Variants in DUSP16 observed in about 807,000 individuals in gnomAD.
DUSP16 encodes the protein dual specificity phosphatase 16, also known as dual specificity protein phosphatase 16.
DUSP16 carries 21 observed loss-of-function variants against 58.3 expected under a neutral mutation model. That is an observed-to-expected ratio of 0.36 (90% confidence interval 0.26 to 0.52). The LOEUF (loss-of-function observed/expected upper bound fraction) is 0.52. Ranked by LOEUF, DUSP16 falls within the 20% of genes least tolerant of loss-of-function variation. The pLI, the probability that DUSP16 is intolerant of heterozygous loss-of-function variation, is 0.94. For synonymous variants in DUSP16, 320 were observed against 323.8 expected (o/e 0.99, Z 0.12); for missense variants, 726 against 819.0 (o/e 0.89, Z 1.39).
At chr12:12,552,370 C>T (rs1217959390) in intron 1 of DUSP16, among the ~76,000 whole-genome samples, 2 of 151,888 alleles carry the variant, frequency 1.3e-5, no homozygotes, top group Admixed American at 6.6e-5. Context: ...CACTTGAACC[C>T]GGGAGGCAGA....
At chr12:12,493,002 C>T (rs1943782490) in intron 4 of DUSP16, among the ~76,000 whole-genome samples, 1 of 152,136 alleles carries the variant, frequency 6.6e-6, no homozygotes, top group African/African-American at 2.4e-5. Context: ...CGGCTCAATC[C>T]TTTTCTCATC....
At chr12:12,535,888 G>A (rs1477817054) in intron 1 of DUSP16, among the ~76,000 whole-genome samples, 1 of 152,210 alleles carries the variant, frequency 6.6e-6, no homozygotes, top group Non-Finnish European at 1.5e-5. Flanking sequence ...ACTGTATGCA[G>A]GCTTTCCTGG....
chr12:12,519,884 G>A lies in DUSP16; in HGVS notation c.345C>T (p.Phe115=). ...TACCTGCAAGCAGGTGAACAGAGTT[G>A]AAGCTCTTCTCCAGTTTACCCAGAA... ...TVLLGKLEKS[F]NSVHLLAGGF... Residue 115 remains phenylalanine (F), a synonymous_variant, in exon 3 of 7, where the codon TTC becomes TTT. Coordinates refer to ENST00000298573, the MANE Select transcript of DUSP16 (RefSeq NM_030640.3). The A allele has an allele frequency of 6.2e-7, 1 of 1,614,082 alleles. No homozygotes were observed. Among genetic ancestry groups the A allele is most frequent in the South Asian group, 1.1e-5 (1 of 91,080 alleles).
intron 3 of DUSP16, among the ~76,000 whole-genome samples, chr12:12,501,862 T>G (rs1319361878): frequency 2.6e-5 from 4 of 151,984 alleles, no homozygotes; most frequent in Non-Finnish European, 5.9e-5. Context: ...TGGTGGTGGG[T>G]GCCTGTAATC....
intron 5 of DUSP16, among the ~76,000 whole-genome samples, chr12:12,485,703 A>G (rs1391858680): frequency 6.6e-6 from 1 of 150,414 alleles, no homozygotes; most frequent in Non-Finnish European, 1.5e-5. Flanking sequence ...CTGGTCTCGA[A>G]CTCCTGGGTT....
chr12:12,515,550 A>C (rs1944136253), intron 3 of DUSP16, among the ~76,000 whole-genome samples: 1 of 151,708 alleles, frequency 6.6e-6, no homozygotes, highest in African/African-American at 2.4e-5. Context: ...CTGGTTACGA[A>C]CTCCCAACCT....
At chr12:12,559,090 T>C (rs1350719121) in intron 1 of DUSP16, among the ~76,000 whole-genome samples, 1 of 152,124 alleles carries the variant, frequency 6.6e-6, no homozygotes, top group Non-Finnish European at 1.5e-5. Context: ...AGCCAACCCT[T>C]GATCATCAAG....
intron 1 of DUSP16, among the ~76,000 whole-genome samples, chr12:12,527,099 T>C (rs916290923): frequency 2.0e-5 from 3 of 152,242 alleles, no homozygotes; most frequent in African/African-American, 7.2e-5. Flanking sequence ...TTGGTTGGGC[T>C]AGAGCTCAAG....
chr12:12,498,375 A>G (rs1283115965), intron 4 of DUSP16, among the ~76,000 whole-genome samples: 1 of 151,402 alleles, frequency 6.6e-6, no homozygotes, highest in African/African-American at 2.4e-5. Flanking sequence ...GAGGTCAAAC[A>G]TGCATTTCTT....
chr12:12,520,037 G>A, intron 2 of DUSP16, 37 bp from the exon 3 acceptor site: 1 of 1,612,246 alleles, frequency 6.2e-7, no homozygotes, highest in Non-Finnish European at 8.5e-7. Flanking sequence ...GGAAGAAGGT[G>A]AGAAAAGTAA....
At chr12:12,485,571 G>A (rs1943667058) in intron 5 of DUSP16, among the ~76,000 whole-genome samples, 1 of 152,080 alleles carries the variant, frequency 6.6e-6, no homozygotes, top group Non-Finnish European at 1.5e-5. Flanking sequence ...GAGTTCAGTG[G>A]CACAATCTCA....
chr12:12,552,556 A>C (rs1944744613), intron 1 of DUSP16, among the ~76,000 whole-genome samples: 1 of 152,246 alleles, frequency 6.6e-6, no homozygotes, highest in African/African-American at 2.4e-5. Flanking sequence ...TTCTTCAACT[A>C]TGTATCCGTG....
chr12:12,556,900 T>C lies in DUSP16; in HGVS notation c.-366+5217A>G, dbSNP rs868087563. Among the ~76,000 whole-genome samples the C allele has an allele frequency of 5.6e-4, 86 of 152,316 alleles. No individual in the cohort carries two copies. In the Middle Eastern group the frequency reaches 0.014, roughly 24 times the overall value. On this transcript the variant is annotated intron_variant, in intron 1 of 6. Coordinates refer to ENST00000298573, the MANE Select transcript of DUSP16 (RefSeq NM_030640.3). ...TTACCCTATTTTACCTATTGGTAAT[T>C]AAGCCTAACAGTTTATTGTCTGTAC...
chr12:12,475,925 T>C lies in DUSP16; in HGVS notation c.*908A>G, dbSNP rs757810391. On this transcript the variant is annotated 3_prime_UTR_variant, in exon 7 of 7. Coordinates refer to ENST00000298573, the MANE Select transcript of DUSP16 (RefSeq NM_030640.3). ...ACCAAGTTCATCTTTATTTAAAGGATTGACAATCCCATTTTAAACAATTCT... is the reference window on the plus strand; with the variant it reads ...ACCAAGTTCATCTTTATTTAAAGGACTGACAATCCCATTTTAAACAATTCT... 4 of 152,228 alleles carry C rather than the reference T, an allele frequency of 2.6e-5. No individual in the cohort carries two copies. The highest frequency in any genetic ancestry group is 4.4e-5 in the Non-Finnish European group (3 of 68,036). 9.4% of individuals were successfully genotyped at this position (152,228 alleles called of 1,614,324 possible).
chr12:12,486,399 T>A (rs1457604649), intron 5 of DUSP16, among the ~76,000 whole-genome samples: 1 of 151,524 alleles, frequency 6.6e-6, no homozygotes, highest in African/African-American at 2.4e-5. Flanking sequence ...AGCTCCAGAA[T>A]TGAACAAGCC....
chr12:12,544,446 A>T (rs1022481581), intron 1 of DUSP16, among the ~76,000 whole-genome samples: 1 of 152,192 alleles, frequency 6.6e-6, no homozygotes, highest in Non-Finnish European at 1.5e-5. Flanking sequence ...TTTGGTGAGC[A>T]TAAGTACACA....
chr12:12,549,462 C>T (rs1424925772), intron 1 of DUSP16, among the ~76,000 whole-genome samples: 1 of 152,168 alleles, frequency 6.6e-6, no homozygotes, highest in African/African-American at 2.4e-5. Context: ...TGCTTAGCTC[C>T]ACTCTCTGTC....
intron 4 of DUSP16, among the ~76,000 whole-genome samples, chr12:12,488,266 C>A (rs1943712821): frequency 7.2e-6 from 1 of 138,322 alleles, no homozygotes; most frequent in Admixed American, 7.3e-5. Context: ...CCTACTTTAA[C>A]CTCATCTGTG....
At chr12:12,486,481 AGTGT>A (rs56941943) in intron 5 of DUSP16, among the ~76,000 whole-genome samples, 8,719 of 147,270 alleles carry the variant, frequency 0.059, 444 homozygotes, top group African/African-American at 0.13. Flanking sequence ...ACCAAATGAG[AGTGT>A]GTGTGTGTGT....
Sources: gnomAD v4.1 joint callset for allele counts (sites outside exome capture counted in the v4.1 genomes callset) on GRCh38, gnomAD v4.1.1 for gene constraint, MANE v1.5 for transcripts, NCBI Gene and HGNC (gene_info 2026-07-23, HGNC 2026-07-21) for gene names.